The following CENPP variants were observed in gnomAD, a reference collection of about 807,000 sequenced individuals.
CENPP encodes the protein centromere protein P.
Under a neutral mutation model 35.6 loss-of-function variants are expected in CENPP, and 24 were observed. The ratio of observed to expected loss-of-function variants is 0.67; its 90% CI spans 0.49 to 0.95. The LOEUF (loss-of-function observed/expected upper bound fraction) is 0.95. CENPP is among the 40% of genes least tolerant of loss of function. The pLI, the probability that CENPP is intolerant of heterozygous loss-of-function variation, is 0.00. For synonymous variants in CENPP, 120 were observed against 125.5 expected (o/e 0.96, Z 0.29); for missense variants, 332 against 345.3 (o/e 0.96, Z 0.31).
intron 4 of CENPP, among the ~76,000 whole-genome samples, chr9:92,347,403 A>G (rs568147287): frequency 3.9e-5 from 6 of 152,266 alleles, no homozygotes; most frequent in East Asian, 1.9e-4. Flanking sequence ...TTTTTGGGCA[A>G]TTTTTTAGAC....
At chr9:92,377,146 T>G (rs984691482) in intron 4 of CENPP, among the ~76,000 whole-genome samples, 2 of 152,208 alleles carry the variant, frequency 1.3e-5, no homozygotes, top group African/African-American at 2.4e-5. Context: ...TCTAGCTTGC[T>G]TATCTATGTT....
chr9:92,359,053 G>A (rs1343090773), intron 4 of CENPP, among the ~76,000 whole-genome samples: 1 of 150,264 alleles, frequency 6.7e-6, no homozygotes, highest in African/African-American at 2.5e-5. Context: ...AGGTTCAAGC[G>A]ATTCTCCTGC....
chr9:92,538,094 T>C (rs1373543353), intron 5 of CENPP, among the ~76,000 whole-genome samples: 3 of 152,156 alleles, frequency 2.0e-5, no homozygotes, highest in East Asian at 1.9e-4. Flanking sequence ...TAGGAACCCA[T>C]TGTAGAAACA....
chr9:92,410,394 C>T (rs1843414128), intron 5 of CENPP, among the ~76,000 whole-genome samples: 1 of 152,184 alleles, frequency 6.6e-6, no homozygotes, highest in African/African-American at 2.4e-5. Flanking sequence ...GGAGCCAGAG[C>T]AGAGTTGAAC....
In CENPP at chr9:92,401,156, C is replaced by T. The variant is rs746944071; in HGVS notation, c.564+21297C>T. On this transcript the variant is annotated intron_variant, in intron 5 of 7. Transcript: ENST00000375587. ...CATCTTTTTGTAATTGAAGACTTTT[C>T]TCATTGGGTATTATCACAGTTTCTT... The T allele has an allele frequency of 6.7e-5, 104 of 1,541,936 alleles. No individual in the cohort carries two copies. In the South Asian group the frequency reaches 1.1e-3, roughly 16 times the overall value.
In CENPP at chr9:92,475,255, G is replaced by C. The variant is rs375480362; in HGVS notation, c.564+95396G>C. Reference sequence around the variant, plus strand: ...TAAAGGGGAATAGTAAAATAAAAGAGTATATTTATTCCATGAAATATTTTG... The same window carrying C: ...TAAAGGGGAATAGTAAAATAAAAGACTATATTTATTCCATGAAATATTTTG... On this transcript the variant is annotated intron_variant, in intron 5 of 7. Coordinates refer to ENST00000375587, the MANE Select transcript of CENPP (RefSeq NM_001012267.3). Among the ~76,000 whole-genome samples the C allele has an allele frequency of 6.6e-5, 10 of 152,072 alleles. 1 individual carries two copies. The highest frequency in any genetic ancestry group is 5.2e-4 in the Admixed American group (8 of 15,272).
chr9:92,417,970 C>T (rs1296607427), intron 5 of CENPP, among the ~76,000 whole-genome samples: 1 of 152,182 alleles, frequency 6.6e-6, no homozygotes, highest in Admixed American at 6.5e-5. Flanking sequence ...TCAAGGGATC[C>T]TCTGGCCTCG....
At chr9:92,557,145 G>A (rs1388821561) in intron 5 of CENPP, among the ~76,000 whole-genome samples, 2 of 152,128 alleles carry the variant, frequency 1.3e-5, no homozygotes, top group Admixed American at 1.3e-4. Context: ...TGAGGAGTAG[G>A]GTCCCAATCC....
intron 5 of CENPP, among the ~76,000 whole-genome samples, chr9:92,461,509 A>C (rs1845110023): frequency 6.6e-6 from 1 of 152,050 alleles, no homozygotes; most frequent in Non-Finnish European, 1.5e-5. Context: ...TTTCCATATT[A>C]ATTTGTTTGA....
At chr9:92,579,498 C>T (rs985832034) in intron 5 of CENPP, among the ~76,000 whole-genome samples, 9 of 151,818 alleles carry the variant, frequency 5.9e-5, no homozygotes, top group Admixed American at 2.6e-4. Flanking sequence ...TTGTAGTTCT[C>T]CTTGAAGAGG....
intron 5 of CENPP, chr9:92,482,356 T>C (rs548805780): frequency 1.3e-5 from 2 of 152,274 alleles, no homozygotes; most frequent in South Asian, 2.1e-4. Flanking sequence ...TTATCTATAA[T>C]GTAAATGTTC....
chr9:92,470,874 A>G, intron 5 of CENPP: 2 of 790,990 alleles, frequency 2.5e-6, no homozygotes, highest in South Asian at 3.5e-5. Flanking sequence ...AAAACCCATG[A>G]TTATCATCAA....
At chr9:92,543,781 C>T (rs1405835491) in intron 5 of CENPP, among the ~76,000 whole-genome samples, 1 of 151,960 alleles carries the variant, frequency 6.6e-6, no homozygotes, top group African/African-American at 2.4e-5. Flanking sequence ...TATGTTTATT[C>T]TTAAGTATTT....
intron 5 of CENPP, among the ~76,000 whole-genome samples, chr9:92,452,133 A>G (rs1199728923): frequency 6.9e-4 from 104 of 150,778 alleles, no homozygotes; most frequent in African/African-American, 2.4e-3. Context: ...TTCCAACACT[A>G]TGTTGAATAG....
chr9:92,502,000 A>G (rs1846707917), intron 5 of CENPP, among the ~76,000 whole-genome samples: 1 of 152,220 alleles, frequency 6.6e-6, no homozygotes, highest in African/African-American at 2.4e-5. Flanking sequence ...AGTTTGGAGA[A>G]AAGAAGGCTG....
At chr9:92,424,872 C>T (rs534161707) in intron 5 of CENPP, among the ~76,000 whole-genome samples, 11 of 151,944 alleles carry the variant, frequency 7.2e-5, no homozygotes, top group African/African-American at 2.4e-4. Context: ...GATGGGGTTT[C>T]ACCATGTTGG....
intron 5 of CENPP, among the ~76,000 whole-genome samples, chr9:92,380,765 A>G (rs1409921997): frequency 6.6e-6 from 1 of 152,232 alleles, no homozygotes; most frequent in African/African-American, 2.4e-5. Flanking sequence ...GTTATAATAC[A>G]GTAATGACCA....
intron 5 of CENPP, among the ~76,000 whole-genome samples, chr9:92,444,393 A>G (rs910817369): frequency 6.6e-6 from 1 of 150,578 alleles, no homozygotes; most frequent in African/African-American, 2.4e-5. Flanking sequence ...TCTAGATACA[A>G]GTCCCTTATC....
chr9:92,444,616 C>G (rs187692022), intron 5 of CENPP, among the ~76,000 whole-genome samples: 2 of 152,166 alleles, frequency 1.3e-5, no homozygotes, highest in Admixed American at 1.3e-4. Context: ...AGTGTTAGCT[C>G]TTATGCTTAT....
Sources: allele counts gnomAD v4.1 joint callset (sites outside exome capture counted in the v4.1 genomes callset), GRCh38; gene constraint gnomAD v4.1.1; transcripts MANE v1.5; gene names NCBI Gene and HGNC (gene_info 2026-07-23, HGNC 2026-07-21).